Variants in WNT7A observed in about 807,000 individuals in gnomAD.
WNT7A encodes protein Wnt-7a.
In WNT7A, 16 loss-of-function variants were observed where a neutral mutation model predicts 28.2. That is an observed-to-expected ratio of 0.57 (90% CI 0.38 to 0.86). The LOEUF (loss-of-function observed/expected upper bound fraction) is 0.86, where lower values mean the gene tolerates loss of function less well. WNT7A is among the 40% of genes least tolerant of loss of function. The pLI is 0.00. For synonymous variants in WNT7A, 190 were observed against 195.9 expected (o/e 0.97, Z 0.25); for missense variants, 411 against 489.7 (o/e 0.84, Z 1.52).
chr3:13,879,929 G>A lies in WNT7A; in HGVS notation c.-113C>T. ...GAGGCGCGAGCCGAGGCGTCCCCGG[G>A]GCCGTCTGTCGGTGCGCCCGTCCGC... On this transcript the variant is annotated 5_prime_UTR_variant, in exon 1 of 4. Coordinates refer to ENST00000285018, the MANE Select transcript of WNT7A (RefSeq NM_004625.4). 1.2e-6 allele frequency: 1 copy of A among 834,910 alleles called. No homozygotes were observed. Among genetic ancestry groups the A allele is most frequent in the Non-Finnish European group, 1.6e-6 (1 of 609,140 alleles). 51.7% of individuals were successfully genotyped at this position (834,910 alleles called of 1,614,324 possible).
intron 3 of WNT7A, among the ~76,000 whole-genome samples, chr3:13,831,894 C>G (rs943770852): frequency 1.3e-5 from 2 of 152,166 alleles, no homozygotes; most frequent in African/African-American, 4.8e-5. Context: ...CGCCCAGGAC[C>G]TGTCCTGCTT....
intron 3 of WNT7A, among the ~76,000 whole-genome samples, chr3:13,828,966 G>A (rs1694238254): frequency 6.6e-6 from 1 of 152,148 alleles, no homozygotes; most frequent in African/African-American, 2.4e-5. Flanking sequence ...AAGGGAACAT[G>A]GCACACTCTC....
chr3:13,852,531 A>C (rs1162298207), intron 3 of WNT7A, among the ~76,000 whole-genome samples: 1 of 152,184 alleles, frequency 6.6e-6, no homozygotes, highest in Non-Finnish European at 1.5e-5. Flanking sequence ...AGTGGGTCAT[A>C]GTCCCAATCG....
chr3:13,855,349 A>G (rs13059544), intron 2 of WNT7A, among the ~76,000 whole-genome samples: 2 of 150,468 alleles, frequency 1.3e-5, no homozygotes, highest in Non-Finnish European at 3.0e-5. Context: ...ATCATTGGTA[A>G]CTTTCTCATG....
intron 2 of WNT7A, among the ~76,000 whole-genome samples, chr3:13,865,547 G>A (rs139085403): frequency 2.6e-5 from 4 of 152,350 alleles, no homozygotes; most frequent in South Asian, 2.1e-4. Context: ...ATGAAAATGT[G>A]CAGACATGAA....
chr3:13,873,187 A>C (rs10865716), intron 2 of WNT7A, among the ~76,000 whole-genome samples: 78,538 of 151,756 alleles, frequency 0.52, 21,011 homozygotes, highest in East Asian at 0.77. Flanking sequence ...TCTGTTTCCA[A>C]CTAAAAAGTG....
chr3:13,867,223 G>A (rs1250397730), intron 2 of WNT7A, among the ~76,000 whole-genome samples: 1 of 152,162 alleles, frequency 6.6e-6, no homozygotes. Context: ...GAAAGGTGAA[G>A]TACTCACTTA....
chr3:13,866,392 T>G (rs1363839993), intron 2 of WNT7A, among the ~76,000 whole-genome samples: 1 of 152,224 alleles, frequency 6.6e-6, no homozygotes, highest in Non-Finnish European at 1.5e-5. Context: ...ATCACTCCCG[T>G]TTGGTCAAGG....
chr3:13,825,966 C>T (rs1452153268), intron 3 of WNT7A, among the ~76,000 whole-genome samples: 1 of 152,230 alleles, frequency 6.6e-6, no homozygotes, highest in Admixed American at 6.5e-5. Context: ...CCAGGTCATT[C>T]ACCTTGAAAT....
intron 3 of WNT7A, among the ~76,000 whole-genome samples, chr3:13,852,145 C>A (rs549246034): frequency 6.6e-6 from 1 of 152,192 alleles, no homozygotes; most frequent in Non-Finnish European, 1.5e-5. Flanking sequence ...GTTGGGGGCT[C>A]CCCTTCAGCC....
intron 3 of WNT7A, among the ~76,000 whole-genome samples, chr3:13,839,815 T>C (rs1166798370): frequency 6.6e-6 from 1 of 152,214 alleles, no homozygotes. Flanking sequence ...GCCCAGGGCC[T>C]GTTTTACAGT....
Position 13,865,697 on chromosome 3 carries a change from C to T in WNT7A, c.298+9250G>A, listed in dbSNP as rs192941953. Among the ~76,000 whole-genome samples the T allele has an allele frequency of 2.6e-3, 393 of 152,256 alleles. 4 individuals are homozygous for T. Among genetic ancestry groups the T allele is most frequent in the African/African-American group, 8.2e-3 (341 of 41,540 alleles). On this transcript the variant is annotated intron_variant, in intron 2 of 3. Transcript: ENST00000285018. ...AAGGCCAGGCCTGTCCTCAAGGGCT[C>T]GGAGCAACTGGGGCCACACAAGGTA... is the stretch of plus-strand genomic sequence containing the variant.
At chr3:13,850,532 G>A (rs1456926880) in intron 3 of WNT7A, among the ~76,000 whole-genome samples, 5 of 152,136 alleles carry the variant, frequency 3.3e-5, no homozygotes, top group South Asian at 2.1e-4. Context: ...TCACTTCGGC[G>A]GAATTCCATC....
chr3:13,833,112 T>C lies in WNT7A; in HGVS notation c.571-13689A>G, dbSNP rs570779343. On this transcript the variant is annotated intron_variant, in intron 3 of 3. Transcript: ENST00000285018. ...CCTGTGTGGCCTGCACACAGTCACA[T>C]CCCACCATGTGCTCACACATACACA... Among the ~76,000 whole-genome samples, 826 of 151,780 alleles carry C rather than the reference T, an allele frequency of 5.4e-3. 9 individuals are homozygous for C. Among genetic ancestry groups the C allele is most frequent in the African/African-American group, 0.018 (737 of 41,330 alleles).
chr3:13,879,925 C>T lies in WNT7A; in HGVS notation c.-109G>A. 1.2e-6 allele frequency: 1 copy of T among 853,086 alleles called. No individual in the cohort carries two copies. The highest frequency in any genetic ancestry group is 1.6e-6 in the Non-Finnish European group (1 of 625,188). 52.8% of individuals were successfully genotyped at this position (853,086 alleles called of 1,614,324 possible). ...CCGGGAGGCGCGAGCCGAGGCGTCC[C>T]CGGGGCCGTCTGTCGGTGCGCCCGT... On this transcript the variant is annotated 5_prime_UTR_variant, in exon 1 of 4. Transcript: ENST00000285018.
intron 3 of WNT7A, among the ~76,000 whole-genome samples, chr3:13,832,761 A>T (rs115084196): frequency 0.018 from 2,754 of 151,448 alleles, 59 homozygotes; most frequent in Admixed American, 0.07. Flanking sequence ...CATGGAGGGG[A>T]TGGCAGGGAA....
In WNT7A at chr3:13,832,055, G is replaced by A. The variant is rs568990913; in HGVS notation, c.571-12632C>T. ...GTGCTACAGGCTCCCATCCAGAGCT[G>A]CCACCACCTGCTCCCCTCCTGTTCC... On this transcript the variant is annotated intron_variant, in intron 3 of 3. Transcript: ENST00000285018. Among the ~76,000 whole-genome samples, 2 of 152,036 alleles carry A rather than the reference G, an allele frequency of 1.3e-5. 1 individual carries two copies. The highest frequency in any genetic ancestry group is 4.8e-5 in the African/African-American group (2 of 41,456).
At chr3:13,845,840 G>A (rs546994808) in intron 3 of WNT7A, among the ~76,000 whole-genome samples, 2 of 152,350 alleles carry the variant, frequency 1.3e-5, no homozygotes, top group South Asian at 2.1e-4. Context: ...ACACCGAGGC[G>A]AGTCTCACGA....
At chr3:13,823,305 T>C (rs1182787420) in intron 3 of WNT7A, among the ~76,000 whole-genome samples, 3 of 152,168 alleles carry the variant, frequency 2.0e-5, no homozygotes, top group African/African-American at 7.2e-5. Flanking sequence ...GTCTGAGGGC[T>C]TTCAGGCTCA....
Sources: gnomAD v4.1 joint callset for allele counts (sites outside exome capture counted in the v4.1 genomes callset) on GRCh38, gnomAD v4.1.1 for gene constraint, MANE v1.5 for transcripts, NCBI Gene and HGNC (gene_info 2026-07-23, HGNC 2026-07-21) for gene names.